The following ZNF362 variants were observed in gnomAD, a reference collection of about 807,000 sequenced individuals.
ZNF362 encodes zinc finger protein 362, also known as rotund homolog.
In ZNF362, 11 loss-of-function variants were observed where a neutral mutation model predicts 42.9. The ratio of observed to expected loss-of-function variants is 0.26; its 90% confidence interval spans 0.16 to 0.42. ZNF362 has a LOEUF of 0.42. Among genes scored for constraint, ZNF362 ranks in the 20% least tolerant of loss-of-function variants. ZNF362 has a pLI of 1.00. For synonymous variants in ZNF362, 255 were observed against 257.3 expected (o/e 0.99, Z 0.09); for missense variants, 362 against 576.2 (o/e 0.63, Z 3.81).
chr1:33,175,206 A>C, the ZNF362 span, among the ~76,000 whole-genome samples: 15 of 142,648 alleles, frequency 1.1e-4, no homozygotes, highest in Non-Finnish European at 1.9e-4. Flanking sequence ...TGCCCAGCTA[A>C]TTTTTTTTTT....
At chr1:33,223,078 C>A in the ZNF362 span, among the ~76,000 whole-genome samples, 1 of 152,000 alleles carries the variant, frequency 6.6e-6, no homozygotes, top group Non-Finnish European at 1.5e-5. Flanking sequence ...TGGTGAAACC[C>A]CGTCTCTACT....
chr1:33,250,852 G>GGAAGAGAA, the ZNF362 span, among the ~76,000 whole-genome samples: 1 of 137,484 alleles, frequency 7.3e-6, no homozygotes, highest in African/African-American at 2.8e-5. Context: ...GAAGAAAGAA[G>GGAAGAGAA]GAAGAAGAAG....
At chr1:33,273,956 A>C (rs540805807) in intron 2 of ZNF362, among the ~76,000 whole-genome samples, 60 of 152,366 alleles carry the variant, frequency 3.9e-4, no homozygotes, top group African/African-American at 1.4e-3. Flanking sequence ...GGGGATACCC[A>C]GATGAACAGG....
the ZNF362 span, among the ~76,000 whole-genome samples, chr1:33,230,429 C>T: frequency 3.3e-5 from 5 of 151,924 alleles, no homozygotes; most frequent in African/African-American, 1.2e-4. Flanking sequence ...AGTCGTTTTA[C>T]CAAGGAAAGG....
chr1:33,267,213 T>G (rs1156694393), intron 1 of ZNF362, among the ~76,000 whole-genome samples: 2 of 152,196 alleles, frequency 1.3e-5, no homozygotes, highest in Non-Finnish European at 2.9e-5. Context: ...ATTAAAAATA[T>G]TCCCTTAAAA....
chr1:33,209,193 G>A, the ZNF362 span, among the ~76,000 whole-genome samples: 24 of 152,154 alleles, frequency 1.6e-4, no homozygotes, highest in South Asian at 1.0e-3. Context: ...GGTTTTTGTC[G>A]TTGGTTCTGT....
rs896076759 is a variant in ZNF362 at position 33,262,833 on chromosome 1, C to G, written c.-89+6179C>G. 2.6e-5 allele frequency among the ~76,000 whole-genome samples: 4 copies of G among 152,220 alleles called. No individual in the cohort carries two copies. The South Asian group carries it at 8.3e-4, about 31-fold the overall frequency. On this transcript the variant is annotated intron_variant, in intron 1 of 8. Transcript: ENST00000539719. ...TTTCAGAAATACCACCACAGGTGTC[C>G]TAAACTGGATCCCTAGGAGCCAGGA...
At chr1:33,288,381 G>A (rs1393448120) in intron 6 of ZNF362, among the ~76,000 whole-genome samples, 1 of 152,160 alleles carries the variant, frequency 6.6e-6, no homozygotes, top group Non-Finnish European at 1.5e-5. Flanking sequence ...GACAGTGGGG[G>A]GTGAAGTGGG....
At chr1:33,262,963 G>A (rs539050748) in intron 1 of ZNF362, among the ~76,000 whole-genome samples, 5 of 152,284 alleles carry the variant, frequency 3.3e-5, no homozygotes, top group South Asian at 2.1e-4. Context: ...ATACCCAAGC[G>A]TACACCGTGC....
chr1:33,288,087 AAACT>A (rs1157704639), intron 6 of ZNF362, among the ~76,000 whole-genome samples: 2 of 152,264 alleles, frequency 1.3e-5, no homozygotes, highest in African/African-American at 4.8e-5. Flanking sequence ...AATGTATTAA[AAACT>A]AACACTGCAA....
chr1:33,174,975 A>G, the ZNF362 span, among the ~76,000 whole-genome samples: 1 of 136,020 alleles, frequency 7.4e-6, no homozygotes, highest in Admixed American at 7.1e-5. Context: ...ATATACACAC[A>G]TATACATATA....
At chr1:33,127,796 C>T in the ZNF362 span, among the ~76,000 whole-genome samples, 3 of 152,158 alleles carry the variant, frequency 2.0e-5, no homozygotes, top group South Asian at 2.1e-4. Context: ...GATCTCTAGG[C>T]CAAGGAGTTT....
the ZNF362 span, among the ~76,000 whole-genome samples, chr1:33,151,201 C>T: frequency 6.6e-6 from 1 of 152,144 alleles, no homozygotes; most frequent in Admixed American, 6.5e-5. Context: ...GAAATCCTGA[C>T]CCAGTGAATG....
At chr1:33,176,166 C>A in the ZNF362 span, among the ~76,000 whole-genome samples, 1 of 152,244 alleles carries the variant, frequency 6.6e-6, no homozygotes, top group East Asian at 1.9e-4. Context: ...AGCTGCCTTC[C>A]TGTCCATGCT....
At chr1:33,272,405 G>A (rs995501472) in intron 2 of ZNF362, among the ~76,000 whole-genome samples, 2 of 151,094 alleles carry the variant, frequency 1.3e-5, no homozygotes, top group African/African-American at 2.5e-5. Flanking sequence ...CAATATGAAT[G>A]GATGGACAGA....
the ZNF362 span, among the ~76,000 whole-genome samples, chr1:33,233,818 C>A: frequency 1.3e-5 from 2 of 152,136 alleles, no homozygotes; most frequent in African/African-American, 4.8e-5. Flanking sequence ...TGAACTCTGG[C>A]ACACAAGAGT....
At chr1:33,293,618 T>C (rs1386416171) in intron 6 of ZNF362, among the ~76,000 whole-genome samples, 1 of 152,200 alleles carries the variant, frequency 6.6e-6, no homozygotes, top group East Asian at 1.9e-4. Context: ...GATATTCCCC[T>C]CCACTTCTGT....
the ZNF362 span, among the ~76,000 whole-genome samples, chr1:33,161,533 C>T: frequency 6.6e-6 from 1 of 152,168 alleles, no homozygotes; most frequent in Non-Finnish European, 1.5e-5. The surrounding 1 kb of genome is among the most constrained non-coding windows in gnomAD (Gnocchi z 4.3). Context: ...GCAGGAAGAA[C>T]TGCTGGCGGT....
the ZNF362 span, among the ~76,000 whole-genome samples, chr1:33,134,669 T>C: frequency 1.3e-5 from 2 of 152,186 alleles, no homozygotes; most frequent in Non-Finnish European, 2.9e-5. Flanking sequence ...AGCTGTGGCA[T>C]GGGAGACTGC....
Sources: gnomAD v4.1 joint callset for allele counts (sites outside exome capture counted in the v4.1 genomes callset) on GRCh38, gnomAD v4.1.1 for gene constraint, Gnocchi (gnomAD v3.1) non-coding constraint, MANE v1.5 for transcripts, NCBI Gene and HGNC (gene_info 2026-07-23, HGNC 2026-07-21) for gene names.